NEB: variants seen among roughly 807,000 people sequenced by gnomAD.
NEB encodes the protein nemaline myopathy type 2.
A neutral mutation model predicts 952.2 loss-of-function variants in NEB; 512 were observed. The observed-to-expected ratio is 0.54, with a 90% CI of 0.50 to 0.58. NEB has a LOEUF of 0.58. Ranked by LOEUF, NEB falls within the 20% of genes least tolerant of loss-of-function variation. The pLI, the probability that NEB is intolerant of heterozygous loss-of-function variation, is 0.00. For missense variants in NEB, 8,428 were observed against 9,231.1 expected (o/e 0.91, Z 3.56); for synonymous variants, 2,900 against 3,149.8 (o/e 0.92, Z 2.66).
chr2:151,721,686 A>G (rs1411375978), intron 9 of NEB, among the ~76,000 whole-genome samples: 3 of 152,208 alleles, frequency 2.0e-5, no homozygotes, highest in African/African-American at 7.2e-5. Flanking sequence ...TGCTTGTAGT[A>G]CTTTTCTATC....
chr2:151,690,849 T>A, intron 23 of NEB, 24 bp from the exon 24 acceptor site: 1 of 1,486,838 alleles, frequency 6.7e-7, no homozygotes, highest in East Asian at 2.4e-5. Context: ...TGTTCTTTAA[T>A]GAAATATCAG....
chr2:151,723,738 C>T (rs1346737447), intron 8 of NEB, among the ~76,000 whole-genome samples: 1 of 146,760 alleles, frequency 6.8e-6, no homozygotes, highest in Non-Finnish European at 1.5e-5. Flanking sequence ...TGTGACTCTA[C>T]CTGCCTTCTT....
chr2:151,505,694 T>C (rs2068264529), intron 164 of NEB, 124 bp from the exon 165 acceptor site: 2 of 767,206 alleles, frequency 2.6e-6, no homozygotes, highest in South Asian at 3.1e-5. Context: ...AACGCAGGCT[T>C]TATACTTAGT....
chr2:151,509,159 A>G (rs1210869314), intron 161 of NEB, among the ~76,000 whole-genome samples: 1 of 151,118 alleles, frequency 6.6e-6, no homozygotes, highest in Admixed American at 6.6e-5. Flanking sequence ...TGCCAGAGAC[A>G]ACAAACAAGC....
rs1445629270 is a variant in NEB, at chr2:151,692,338, T to A, written c.1921A>T (p.Lys641Ter). ...TAATTCATACTCTTTGCCTTTGTCTTCTCATAGTTTTCCTTGTATAATCTC... is the reference window on the plus strand; with the variant it reads ...TAATTCATACTCTTTGCCTTTGTCTACTCATAGTTTTCCTTGTATAATCTC... ...SDRLYKENYEKTKAKSMNYCE... is the reference protein window; with the variant it reads ...SDRLYKENYE The change falls in exon 21 of 182, where the codon AAG (lysine) becomes TAG (stop). Residue 641 changes from lysine (K) to a stop codon, truncating the protein, a stop_gained. Coordinates refer to ENST00000397345, the MANE Select transcript of NEB (RefSeq NM_001164508.2). LOFTEE classifies it high-confidence loss of function. 6.2e-7 allele frequency: 1 copy of A among 1,611,252 alleles called. No individual in the cohort carries two copies. Among genetic ancestry groups the A allele is most frequent in the Non-Finnish European group, 8.5e-7 (1 of 1,178,132 alleles).
chr2:151,615,988 A>G lies in NEB; in HGVS notation c.11289+14T>C. On this transcript the variant is annotated intron_variant, in intron 76 of 181. Coordinates refer to ENST00000397345, the MANE Select transcript of NEB (RefSeq NM_001164508.2). ...CTTTGAATAAGAAATGGCTTTTCCA[A>G]AACATCCACTTACATCACTAGCAAT... 1.9e-6 allele frequency: 3 copies of G among 1,586,246 alleles called. No individual in the cohort carries two copies. The highest frequency in any genetic ancestry group is 3.3e-4 in the Middle Eastern group (2 of 6,012).
chr2:151,682,170 A>T (rs1372463881), intron 29 of NEB, among the ~76,000 whole-genome samples: 2 of 152,210 alleles, frequency 1.3e-5, no homozygotes, highest in African/African-American at 4.8e-5. Flanking sequence ...CTTTAGAGAC[A>T]GAATGCAAAT....
At chr2:151,493,938 G>C (rs2058428149) in intron 174 of NEB, 71 bp from the exon 175 acceptor site, 6 of 1,138,870 alleles carry the variant, frequency 5.3e-6, no homozygotes, top group Non-Finnish European at 6.2e-6. Context: ...TTGCAAGTTG[G>C]GGGGAAATGT....
chr2:151,681,721 G>A (rs2099415206), intron 29 of NEB, among the ~76,000 whole-genome samples: 1 of 152,154 alleles, frequency 6.6e-6, no homozygotes, highest in Non-Finnish European at 1.5e-5. Context: ...TGACAGCAGT[G>A]AGACTCTTCA....
At position 151,639,327 on chromosome 2, in the gene NEB, T is replaced by C. The variant is rs1298742172; in HGVS notation, c.8947A>G (p.Thr2983Ala). Reference sequence around the variant, plus strand: ...ATTCTTGCCAACATAATTTCTGGTGTGTCTGGCATTATGTGGATCTGAGTC... The same window carrying C: ...ATTCTTGCCAACATAATTTCTGGTGCGTCTGGCATTATGTGGATCTGAGTC... ...DKTQIHIMPD[T>A]PEIMLARMNK... Residue 2983 changes from threonine to alanine, a missense_variant, in exon 63 of 182, where the codon ACA becomes GCA. Coordinates refer to ENST00000397345, the MANE Select transcript of NEB (RefSeq NM_001164508.2). 5 of 1,545,562 alleles carry C rather than the reference T, an allele frequency of 3.2e-6. No homozygotes were observed. In the South Asian group the frequency reaches 3.6e-5, roughly 11 times the overall value.
chr2:151,506,130 C>T, intron 164 of NEB, 36 bp downstream of exon 164: 2 of 1,515,256 alleles, frequency 1.3e-6, no homozygotes, highest in Non-Finnish European at 1.8e-6. Flanking sequence ...CAAAGGGAGG[C>T]AGAAAATATT....
Position 151,725,484 on chromosome 2 carries a change from C to G in NEB, c.371G>C (p.Arg124Thr), listed in dbSNP as rs748303993. ...GAGTTGATCTTGTACTTTTTTGATT[C>G]TGCGAAGTTCTGGAGTATCTGTTGT... ...ASTTDTPELR[R>T]IKKVQDQLSE... The change falls in exon 6 of 182, where the codon AGA becomes ACA. Residue 124 changes from arginine to threonine, a missense_variant. Coordinates refer to ENST00000397345, the MANE Select transcript of NEB (RefSeq NM_001164508.2). The G allele has an allele frequency of 1.2e-6, 2 of 1,613,080 alleles. No homozygotes were observed. Among genetic ancestry groups the G allele is most frequent in the South Asian group, 1.1e-5 (1 of 90,876 alleles).
chr2:151,508,976 T>C (rs1195208261), intron 161 of NEB, among the ~76,000 whole-genome samples: 3 of 152,238 alleles, frequency 2.0e-5, no homozygotes, highest in African/African-American at 4.8e-5. Flanking sequence ...CTTTTCTCTC[T>C]AGCTTAACTT....
rs189655274 is a variant in NEB, at chr2:151,499,356, G to A, written c.24056C>T (p.Pro8019Leu). ...LYKENVGKGI[P>L]IPITPEMERV... is the part of the protein sequence containing the mutation. ...CTCCATCTCTGGAGTGATGGGGATT[G>A]GAATCCCTTTTCCAACGTTTTCTTT... Residue 8019 changes from proline to leucine, a missense_variant, in exon 169 of 182, where the codon CCA becomes CTA. Pro to Leu is a moderately conservative substitution (Grantham distance 98). This residue lies in a region of NEB where 3,374 missense variants were observed against 3,651.5 expected (regional missense o/e 0.92). Transcript: ENST00000397345. 732 of 1,546,346 alleles carry A rather than the reference G, an allele frequency of 4.7e-4. 5 individuals are homozygous for A. The African/African-American group carries it at 9.0e-3, about 19-fold the overall frequency.
chr2:151,611,148 G>T (rs1484503685), intron 78 of NEB, among the ~76,000 whole-genome samples: 1 of 152,088 alleles, frequency 6.6e-6, no homozygotes, highest in Non-Finnish European at 1.5e-5. Context: ...AGCTTATTCA[G>T]ATATCCAAAG....
chr2:151,565,026 A>G lies in NEB; in HGVS notation c.18471+18T>C. 7.0e-7 allele frequency: 1 copy of G among 1,418,522 alleles called. No individual in the cohort carries two copies. The highest frequency in any genetic ancestry group is 9.8e-7 in the Non-Finnish European group (1 of 1,021,932). 87.9% of individuals were successfully genotyped at this position (1,418,522 alleles called of 1,614,324 possible). A position where few individuals can be genotyped will look rare whatever the true frequency, so the allele number is the denominator to read the frequency against. ...TCAAATTAGAAATTGAGTGGTTATT[A>G]CATAAAAGAGAACTTACAGTACTGT... On this transcript the variant is annotated intron_variant, in intron 117 of 181. Coordinates refer to ENST00000397345, the MANE Select transcript of NEB (RefSeq NM_001164508.2).
chr2:151,551,759 A>T lies in NEB; in HGVS notation c.19923T>A (p.His6641Gln), dbSNP rs773870323. ...TCACCGAACTCTGGAGCTTGTATGC[A>T]TGAAGGGCCCGGTCCAGATCCACGG... is the stretch of plus-strand genomic sequence containing the variant. The part of the protein sequence containing the change: ...TKTVDLDRAL[H>Q]AYKLQSSNLY... The change falls in exon 129 of 182, where the codon CAT becomes CAA. Residue 6641 changes from histidine (H) to glutamine (Q), a missense_variant. This residue lies in a region of NEB where 3,374 missense variants were observed against 3,651.5 expected (regional missense o/e 0.92). Coordinates refer to ENST00000397345, the MANE Select transcript of NEB (RefSeq NM_001164508.2). The T allele has an allele frequency of 1.2e-6, 2 of 1,613,500 alleles. No homozygotes were observed. The highest frequency in any genetic ancestry group is 1.7e-6 in the Non-Finnish European group (2 of 1,179,686).
At chr2:151,591,203 AG>A in intron 96 of NEB, 144 bp downstream of exon 96, 1 of 354,360 alleles carries the variant, frequency 2.8e-6, no homozygotes, top group Non-Finnish European at 5.8e-6. Flanking sequence ...TCAGATTGTA[AG>A]AGTTGTTCTT....
In NEB at chr2:151,518,867, G is replaced by T. The variant is rs570007021; in HGVS notation, c.22695+98C>A. Reference sequence around the variant, plus strand: ...GAGAACAGTTTTGTAATAAATCTAGGGTATCAGTAGCAGAGAAGAAGATGC... The same window carrying T: ...GAGAACAGTTTTGTAATAAATCTAGTGTATCAGTAGCAGAGAAGAAGATGC... On this transcript the variant is annotated intron_variant, in intron 155 of 181. Coordinates refer to ENST00000397345, the MANE Select transcript of NEB (RefSeq NM_001164508.2). 32 of 739,114 alleles carry T rather than the reference G, an allele frequency of 4.3e-5. No homozygotes were observed. In the East Asian group the frequency reaches 8.5e-4, roughly 20 times the overall value. The allele number at this position is 739,114 out of a possible 1,614,324, so 45.8% of individuals were successfully genotyped here. A position where few individuals can be genotyped will look rare whatever the true frequency, so the allele number is the denominator to read the frequency against.
Sources: allele counts gnomAD v4.1 joint callset (sites outside exome capture counted in the v4.1 genomes callset), GRCh38; gene constraint gnomAD v4.1.1; regional missense constraint gnomAD v4.1.1; transcripts MANE v1.5; gene names NCBI Gene and HGNC (gene_info 2026-07-23, HGNC 2026-07-21).